PDE9A: variants seen among roughly 807,000 people sequenced by gnomAD.
PDE9A encodes the protein high affinity cGMP-specific 3',5'-cyclic phosphodiesterase 9A.
In PDE9A, 60 loss-of-function variants were observed where a neutral mutation model predicts 87.4. The observed-to-expected ratio is 0.69, with a 90% confidence interval of 0.56 to 0.85. The LOEUF (loss-of-function observed/expected upper bound fraction) is 0.85, where lower values mean the gene tolerates loss of function less well. PDE9A is among the 40% of genes least tolerant of loss of function. PDE9A has a pLI of 0.00. For missense variants in PDE9A, 665 were observed against 779.0 expected, an observed-to-expected ratio of 0.85 and a Z score of 1.74; for synonymous variants, 272 against 279.4, an observed-to-expected ratio of 0.97 and a Z score of 0.27.
rs535063877 is a variant in PDE9A, at chr21:42,696,612, C to A, written c.219-2356C>A. On this transcript the variant is annotated intron_variant, in intron 3 of 19. Coordinates refer to ENST00000291539, the MANE Select transcript of PDE9A (RefSeq NM_002606.3). This position sits in a 1 kb window ranked among gnomAD's most constrained non-coding sequence, Gnocchi z 5.1. ...CTGAGAAGAGGAAGGAAGGAGGATCCAAGAGGAGCCCAGCACACCCGGCTT... is the reference window on the plus strand; with the variant it reads ...CTGAGAAGAGGAAGGAAGGAGGATCAAAGAGGAGCCCAGCACACCCGGCTT... 6.6e-6 allele frequency among the ~76,000 whole-genome samples: 1 copy of A among 152,130 alleles called. No homozygotes were observed. The highest frequency in any genetic ancestry group is 1.5e-5 in the Non-Finnish European group (1 of 68,010).
intron 1 of PDE9A, among the ~76,000 whole-genome samples, chr21:42,682,256 T>G (rs189970642): frequency 7.2e-5 from 11 of 152,222 alleles, no homozygotes; most frequent in Admixed American, 3.3e-4. Flanking sequence ...GTATAAGGAG[T>G]GAAGCAATGT....
intron 10 of PDE9A, chr21:42,756,716 C>G (rs1223738102): frequency 1.3e-5 from 2 of 152,654 alleles, no homozygotes; most frequent in Admixed American, 6.5e-5. Flanking sequence ...CTGCAGGAGC[C>G]TCCCCCGTCA....
chr21:42,726,117 C>T (rs1340229313), intron 4 of PDE9A, among the ~76,000 whole-genome samples: 1 of 152,164 alleles, frequency 6.6e-6, no homozygotes, highest in African/African-American at 2.4e-5. Flanking sequence ...TGACTTTCTC[C>T]AGTACCCATC....
At chr21:42,751,466 GGTAGACA>G (rs112495482) in intron 9 of PDE9A, among the ~76,000 whole-genome samples, 2,417 of 152,298 alleles carry the variant, frequency 0.016, 55 homozygotes, top group African/African-American at 0.053. Context: ...AGCTGACCTG[GGTAGACA>G]GTTTTTACAC....
At position 42,694,244 on chromosome 21, in the gene PDE9A, C is replaced by T. The variant is rs2060029122; in HGVS notation, c.219-4724C>T. Among the ~76,000 whole-genome samples the T allele has an allele frequency of 6.6e-6, 1 of 152,192 alleles. No homozygotes were observed. The highest frequency in any genetic ancestry group is 2.1e-4 in the South Asian group (1 of 4,820). ...TTGGGTTGTGTCTCTCTTTAACTTC[C>T]TCCACTTCTGAAGTCACCTGCAGTG... On this transcript the variant is annotated intron_variant, in intron 3 of 19. Coordinates refer to ENST00000291539, the MANE Select transcript of PDE9A (RefSeq NM_002606.3). This position sits in a 1 kb window ranked among gnomAD's most constrained non-coding sequence, Gnocchi z 5.3.
intron 1 of PDE9A, among the ~76,000 whole-genome samples, chr21:42,656,146 A>C (rs1353462127): frequency 6.6e-6 from 1 of 152,138 alleles, no homozygotes. Flanking sequence ...TCTCCCTGCC[A>C]TCCGCCCCAT....
At chr21:42,693,311 T>C (rs2146265661) in intron 3 of PDE9A, among the ~76,000 whole-genome samples, 1 of 151,756 alleles carries the variant, frequency 6.6e-6, no homozygotes, top group East Asian at 1.9e-4. Context: ...TTTTTTTTTT[T>C]TTTTTGAGAC....
intron 1 of PDE9A, among the ~76,000 whole-genome samples, chr21:42,661,263 A>G (rs2057459898): frequency 6.6e-6 from 1 of 151,504 alleles, no homozygotes; most frequent in Admixed American, 6.6e-5. Context: ...ACTCCTGACC[A>G]TGTGATCCGC....
intron 1 of PDE9A, among the ~76,000 whole-genome samples, chr21:42,656,592 C>T (rs577031538): frequency 1.4e-4 from 21 of 152,300 alleles, no homozygotes; most frequent in African/African-American, 4.8e-4. Context: ...CACTTGGCGC[C>T]AGGCCAATGC....
intron 1 of PDE9A, among the ~76,000 whole-genome samples, chr21:42,661,272 G>A (rs913399438): frequency 8.0e-5 from 12 of 150,786 alleles, no homozygotes; most frequent in South Asian, 2.1e-4. Context: ...CATGTGATCC[G>A]CCCGCCTCAG....
At chr21:42,768,398 G>C (rs1476957596) in intron 16 of PDE9A, 106 bp downstream of exon 16, 5 of 1,010,640 alleles carry the variant, frequency 4.9e-6, no homozygotes. Flanking sequence ...ATATTCCCCG[G>C]GCTGCCGACA....
rs1264103488 is a variant in PDE9A, at chr21:42,659,649, C to T, written c.69+5766C>T. On this transcript the variant is annotated intron_variant, in intron 1 of 19. Coordinates refer to ENST00000291539, the MANE Select transcript of PDE9A (RefSeq NM_002606.3). The surrounding 1 kb of genome is among the most constrained non-coding windows in gnomAD (Gnocchi z 4.1). Reference sequence around the variant, plus strand: ...CGGAAGACTCTGGAAGCAGCAGTGGCAGCACCTTCCTGTCACTTGTCTTGT... The same window carrying T: ...CGGAAGACTCTGGAAGCAGCAGTGGTAGCACCTTCCTGTCACTTGTCTTGT... 3.9e-5 allele frequency among the ~76,000 whole-genome samples: 6 copies of T among 152,220 alleles called. No homozygotes were observed. Among genetic ancestry groups the T allele is most frequent in the Admixed American group, 6.5e-5 (1 of 15,280 alleles).
chr21:42,731,674 C>G, intron 4 of PDE9A, 96 bp from the exon 5 acceptor site: 1 of 1,257,352 alleles, frequency 8.0e-7, no homozygotes, highest in Non-Finnish European at 1.1e-6. Flanking sequence ...GTGCCTTGCA[C>G]TCACTTTGTC....
At chr21:42,730,780 G>T (rs1389866277) in intron 4 of PDE9A, among the ~76,000 whole-genome samples, 1 of 152,142 alleles carries the variant, frequency 6.6e-6, no homozygotes, top group Non-Finnish European at 1.5e-5. Context: ...GGGCGTGCAG[G>T]TTGTGACAGT....
chr21:42,740,742 A>AAACAG (rs1393709553), intron 7 of PDE9A, among the ~76,000 whole-genome samples: 82 of 142,694 alleles, frequency 5.7e-4, no homozygotes, highest in East Asian at 1.2e-3. Context: ...ATAGATAGAT[A>AAACAG]GATAGATAAA....
intron 1 of PDE9A, among the ~76,000 whole-genome samples, chr21:42,677,423 A>G (rs892105015): frequency 1.3e-5 from 2 of 152,216 alleles, no homozygotes; most frequent in African/African-American, 4.8e-5. Flanking sequence ...AGAGGAAACT[A>G]ATGCCATCCT....
chr21:42,714,651 G>T (rs1262272292), intron 4 of PDE9A, among the ~76,000 whole-genome samples: 1 of 149,154 alleles, frequency 6.7e-6, no homozygotes, highest in African/African-American at 2.5e-5. Context: ...ACCAGTCTTT[G>T]TTGATTAGCT....
intron 1 of PDE9A, among the ~76,000 whole-genome samples, chr21:42,673,561 A>G (rs1289560953): frequency 6.6e-6 from 1 of 152,214 alleles, no homozygotes; most frequent in Non-Finnish European, 1.5e-5. Context: ...ATATATAAAC[A>G]GTTGGGCAAA....
rs144056124 is a variant in PDE9A, at chr21:42,705,034, G to A, written c.262+6023G>A. Among the ~76,000 whole-genome samples, 71 of 152,344 alleles carry A rather than the reference G, an allele frequency of 4.7e-4. 2 individuals are homozygous for A. The East Asian group carries it at 0.014, about 29-fold the overall frequency. On this transcript the variant is annotated intron_variant, in intron 4 of 19. Coordinates refer to ENST00000291539, the MANE Select transcript of PDE9A (RefSeq NM_002606.3). The surrounding 1 kb of genome is among the most constrained non-coding windows in gnomAD (Gnocchi z 4.3). ...TGGGTCCACAACCCCAGTGTGAGCT[G>A]CAGAGACTTCTCTGGAGCGGTGAAC...
Sources: allele counts gnomAD v4.1 joint callset (sites outside exome capture counted in the v4.1 genomes callset), GRCh38; gene constraint gnomAD v4.1.1; non-coding constraint Gnocchi (gnomAD v3.1); transcripts MANE v1.5; gene names NCBI Gene and HGNC (gene_info 2026-07-23, HGNC 2026-07-21).